The following IGSF3 variants were observed in gnomAD, a reference collection of about 807,000 sequenced individuals.
IGSF3 encodes the protein glu-Trp-Ile EWI motif-containing protein 3.
Under a neutral mutation model 114.4 loss-of-function variants are expected in IGSF3, and 23 were observed. That is an observed-to-expected ratio of 0.20 (90% CI 0.14 to 0.28). IGSF3 has a LOEUF of 0.28. Among genes scored for constraint, IGSF3 ranks in the 10% least tolerant of loss-of-function variants. IGSF3 has a pLI of 1.00. For missense variants in IGSF3, 1,172 were observed against 1,591.5 expected (o/e 0.74, Z 4.48); for synonymous variants, 571 against 645.2 (o/e 0.88, Z 1.74).
intron 7 of IGSF3, among the ~76,000 whole-genome samples, chr1:116,597,274 T>G (rs1660382045): frequency 6.6e-6 from 1 of 152,228 alleles, no homozygotes; most frequent in Admixed American, 6.5e-5. Context: ...TCCAACAGTC[T>G]CCAGCGCACA....
At position 116,662,403 on chromosome 1, in the gene IGSF3, T is replaced by C. The variant is rs1461076541; in HGVS notation, c.43+3881A>G. On this transcript the variant is annotated intron_variant, in intron 2 of 10. Transcript: ENST00000369486. This position sits in a 1 kb window ranked among gnomAD's most constrained non-coding sequence, Gnocchi z 4.3. ...GTTACTTAACCTCCCTAAGCTTCAA[T>C]CTCCCCATCTATAAAAATGTGATAA... 1.3e-5 allele frequency among the ~76,000 whole-genome samples: 2 copies of C among 152,010 alleles called. No individual in the cohort carries two copies. Among genetic ancestry groups the C allele is most frequent in the African/African-American group, 4.8e-5 (2 of 41,390 alleles).
In IGSF3 at chr1:116,617,964, C is replaced by T. The variant is rs185211798; in HGVS notation, c.44-1507G>A. Among the ~76,000 whole-genome samples, 899 of 152,356 alleles carry T rather than the reference C, an allele frequency of 5.9e-3. 11 individuals carry two copies. Among genetic ancestry groups the T allele is most frequent in the African/African-American group, 0.021 (859 of 41,568 alleles). On this transcript the variant is annotated intron_variant, in intron 2 of 10. Transcript: ENST00000369486. ...CCCCACAAATGGGAATGGCGGCTGC[C>T]CCGGCTATGCCTATCTGAAGTGGAT...
At chr1:116,652,954 A>G (rs778848532) in intron 2 of IGSF3, among the ~76,000 whole-genome samples, 13 of 152,084 alleles carry the variant, frequency 8.5e-5, no homozygotes, top group Non-Finnish European at 2.9e-5. Context: ...GGCATCTTGA[A>G]CTCTCTTGAC....
In IGSF3 at chr1:116,635,931, C is replaced by T. The variant is rs559020981; in HGVS notation, c.44-19474G>A. The stretch of plus-strand genomic sequence containing the variant: ...ATTCCTGCCTTGTGTTGTGTGAGTG[C>T]CTTAAGTCAAATCCTTAACTCATCT... On this transcript the variant is annotated intron_variant, in intron 2 of 10. Coordinates refer to ENST00000369486, the MANE Select transcript of IGSF3 (RefSeq NM_001007237.3). 6.6e-5 allele frequency among the ~76,000 whole-genome samples: 10 copies of T among 152,316 alleles called. 1 individual carries two copies. In the South Asian group the frequency reaches 2.1e-3, roughly 32 times the overall value.
Position 116,585,176 on chromosome 1 carries a change from G to A in IGSF3, c.2441-124C>T. ...AAGGACGGCAGCACACACTCCATTA[G>A]GAGAAACGTTTCTCAGATGTGGCTC... On this transcript the variant is annotated intron_variant, in intron 8 of 10. Coordinates refer to ENST00000369486, the MANE Select transcript of IGSF3 (RefSeq NM_001007237.3). The surrounding 1 kb of genome is among the most constrained non-coding windows in gnomAD (Gnocchi z 4.9). 1 of 664,416 alleles carries A rather than the reference G, an allele frequency of 1.5e-6. No homozygotes were observed. The highest frequency in any genetic ancestry group is 2.4e-6 in the Non-Finnish European group (1 of 408,268). The allele number at this position is 664,416 out of a possible 1,614,324, so 41.2% of individuals were successfully genotyped here. A position where few individuals can be genotyped will look rare whatever the true frequency, so the allele number is the denominator to read the frequency against.
rs372062053 is a variant in IGSF3 at position 116,600,460 on chromosome 1, A to G, written c.1625-115T>C. ...AGCAGTGTGGGACAGAGGCTCTCGG[A>G]GCCCCTTTTGAGCTCTCAGGCTAGT... On this transcript the variant is annotated intron_variant, in intron 6 of 10. Coordinates refer to ENST00000369486, the MANE Select transcript of IGSF3 (RefSeq NM_001007237.3). The surrounding 1 kb of genome is among the most constrained non-coding windows in gnomAD (Gnocchi z 5.5). 7.9e-4 allele frequency: 655 copies of G among 833,124 alleles called. 10 individuals are homozygous for G. Among genetic ancestry groups the G allele is most frequent in the South Asian group, 6.9e-3 (399 of 57,802 alleles). The allele number at this position is 833,124 out of a possible 1,614,324, so 51.6% of individuals were successfully genotyped here. A position where few individuals can be genotyped will look rare whatever the true frequency, so the allele number is the denominator to read the frequency against.
In IGSF3 at chr1:116,638,726, G is replaced by C. The variant is rs1647945009; in HGVS notation, c.44-22269C>G. On this transcript the variant is annotated intron_variant, in intron 2 of 10. Coordinates refer to ENST00000369486, the MANE Select transcript of IGSF3 (RefSeq NM_001007237.3). The surrounding 1 kb of genome is among the most constrained non-coding windows in gnomAD (Gnocchi z 4.1). ...GAGAAAAAGAGAAAGGGAAGAAATG[G>C]GGAAAACAGCAATAGGACCAGCTAA... 6.6e-6 allele frequency among the ~76,000 whole-genome samples: 1 copy of C among 152,174 alleles called. No individual in the cohort carries two copies. Among genetic ancestry groups the C allele is most frequent in the Non-Finnish European group, 1.5e-5 (1 of 68,032 alleles).
At position 116,593,369 on chromosome 1, in the gene IGSF3, T is replaced by C. The variant is rs530984391; in HGVS notation, c.2030-4265A>G. Among the ~76,000 whole-genome samples the C allele has an allele frequency of 2.6e-5, 4 of 152,304 alleles. No individual in the cohort carries two copies. In the East Asian group the frequency reaches 7.7e-4, roughly 29 times the overall value. On this transcript the variant is annotated intron_variant, in intron 7 of 10. Coordinates refer to ENST00000369486, the MANE Select transcript of IGSF3 (RefSeq NM_001007237.3). This position sits in a 1 kb window ranked among gnomAD's most constrained non-coding sequence, Gnocchi z 4.5. Reference sequence around the variant, plus strand: ...TGTGAGCAGCAGCCAGAGTGGCACGTGCAAAGAGATGGGCACTGAGGGAGG... The same window carrying C: ...TGTGAGCAGCAGCCAGAGTGGCACGCGCAAAGAGATGGGCACTGAGGGAGG...
At chr1:116,617,616 A>G (rs1391647084) in intron 2 of IGSF3, among the ~76,000 whole-genome samples, 1 of 152,206 alleles carries the variant, frequency 6.6e-6, no homozygotes, top group East Asian at 1.9e-4. Flanking sequence ...GATCTTGGAT[A>G]AGCTGCTTAA....
Position 116,628,397 on chromosome 1 carries a change from G to C in IGSF3, c.44-11940C>G, listed in dbSNP as rs968470763. 6.6e-6 allele frequency among the ~76,000 whole-genome samples: 1 copy of C among 152,196 alleles called. No homozygotes were observed. The highest frequency in any genetic ancestry group is 1.9e-4 in the East Asian group (1 of 5,188). ...CAGAAAGCAATCTGACTGGCTGGGA[G>C]ACTTTTTTTTTTAACCAGGCCCCCA... On this transcript the variant is annotated intron_variant, in intron 2 of 10. Transcript: ENST00000369486. The surrounding 1 kb of genome is among the most constrained non-coding windows in gnomAD (Gnocchi z 4.2).
intron 7 of IGSF3, among the ~76,000 whole-genome samples, chr1:116,597,746 T>C (rs1409129893): frequency 3.3e-5 from 5 of 152,212 alleles, no homozygotes; most frequent in South Asian, 2.1e-4. Context: ...GAGGCAATTA[T>C]GGTATAAAGG....
In IGSF3 at chr1:116,614,778, TG is replaced by T. The variant is rs1224598560; in HGVS notation, c.422-604del. 6.6e-6 allele frequency among the ~76,000 whole-genome samples: 1 copy of T among 152,194 alleles called. No homozygotes were observed. The highest frequency in any genetic ancestry group is 1.9e-4 in the East Asian group (1 of 5,194). ...ATTCATCGATCAAAGGGGTCCTCAC[TG>T]GAAGGAAGCCACAGTCTGGAGAGAT... On this transcript the variant is annotated intron_variant, in intron 3 of 10. Transcript: ENST00000369486. The surrounding 1 kb of genome is among the most constrained non-coding windows in gnomAD (Gnocchi z 4.5).
intron 2 of IGSF3, among the ~76,000 whole-genome samples, chr1:116,639,752 C>G (rs1647997432): frequency 6.6e-6 from 1 of 152,178 alleles, no homozygotes; most frequent in Non-Finnish European, 1.5e-5. Flanking sequence ...GCTCCATGAT[C>G]TACTATCATA....
At chr1:116,606,692 T>C (rs1205179074) in intron 5 of IGSF3, 10 of 610,066 alleles carry the variant, frequency 1.6e-5, no homozygotes, top group Non-Finnish European at 3.0e-5. Context: ...AGGAATTAGT[T>C]GCAGATTTAA....
rs924446182 is a variant in IGSF3, at chr1:116,644,368, A to G, written c.43+21916T>C. The stretch of plus-strand genomic sequence containing the variant: ...AAGCTCCAGACGGGAGATGCGCCAT[A>G]TAACAGCAGCAGTTCCACACAGCCC... On this transcript the variant is annotated intron_variant, in intron 2 of 10. Coordinates refer to ENST00000369486, the MANE Select transcript of IGSF3 (RefSeq NM_001007237.3). This position sits in a 1 kb window ranked among gnomAD's most constrained non-coding sequence, Gnocchi z 5.6. 2.6e-5 allele frequency among the ~76,000 whole-genome samples: 4 copies of G among 152,230 alleles called. No individual in the cohort carries two copies. The highest frequency in any genetic ancestry group is 9.6e-5 in the African/African-American group (4 of 41,456).
rs1272264455 is a variant in IGSF3, at chr1:116,596,935, G to A, written c.2029+3006C>T. Among the ~76,000 whole-genome samples the A allele has an allele frequency of 2.0e-5, 3 of 152,314 alleles. No individual in the cohort carries two copies. The South Asian group carries it at 6.2e-4, about 32-fold the overall frequency. On this transcript the variant is annotated intron_variant, in intron 7 of 10. Coordinates refer to ENST00000369486, the MANE Select transcript of IGSF3 (RefSeq NM_001007237.3). This position sits in a 1 kb window ranked among gnomAD's most constrained non-coding sequence, Gnocchi z 4.1. ...TGCTCAGTGAATATTAGCTGCTACTGTTGTTACTACCAGTAACACTAGTGC... is the reference window on the plus strand; with the variant it reads ...TGCTCAGTGAATATTAGCTGCTACTATTGTTACTACCAGTAACACTAGTGC...
intron 4 of IGSF3, 137 bp from the exon 5 acceptor site, chr1:116,608,468 G>A (rs1660885803): frequency 1.4e-6 from 1 of 694,112 alleles, no homozygotes. Flanking sequence ...CACTTAGCTT[G>A]AGAGTAAAAT....
At chr1:116,653,797 T>C (rs1469903787) in intron 2 of IGSF3, among the ~76,000 whole-genome samples, 1 of 152,198 alleles carries the variant, frequency 6.6e-6, no homozygotes, top group Admixed American at 6.5e-5. Flanking sequence ...CTTCTAGAAG[T>C]GCACAGTTCA....
chr1:116,623,213 A>G (rs1260765368), intron 2 of IGSF3, among the ~76,000 whole-genome samples: 3 of 152,186 alleles, frequency 2.0e-5, no homozygotes, highest in African/African-American at 4.8e-5. Context: ...AACCTTTCCA[A>G]TAAGGACAGC....
Sources: allele counts gnomAD v4.1 joint callset (sites outside exome capture counted in the v4.1 genomes callset), GRCh38; gene constraint gnomAD v4.1.1; non-coding constraint Gnocchi (gnomAD v3.1); transcripts MANE v1.5; gene names NCBI Gene and HGNC (gene_info 2026-07-23, HGNC 2026-07-21).